The following CELF2 variants were observed in gnomAD, a reference collection of about 807,000 sequenced individuals.
CELF2 encodes the protein CUG triplet repeat RNA-binding protein 2.
In CELF2, 8 loss-of-function variants were observed where a neutral mutation model predicts 62.6. The observed-to-expected ratio is 0.13, with a 90% CI of 0.07 to 0.23. The LOEUF (loss-of-function observed/expected upper bound fraction) is 0.23. CELF2 is among the 10% of genes least tolerant of loss of function. CELF2 has a pLI of 1.00. For missense variants in CELF2, 333 were observed against 671.0 expected (o/e 0.50, Z 5.56); for synonymous variants, 258 against 250.0 (o/e 1.03, Z -0.30).
rs544187452 is a variant in CELF2, at chr10:10,963,482, G to A, written c.89+43483G>A. 7.6e-4 allele frequency among the ~76,000 whole-genome samples: 116 copies of A among 152,266 alleles called. 1 individual carries two copies. The highest frequency in any genetic ancestry group is 3.9e-3 in the South Asian group (19 of 4,820). On this transcript the variant is annotated intron_variant, in intron 2 of 13. Transcript: ENST00000636488. ...TCACCACTGACGGTTAGAGCTTTCC[G>A]TGAAATTTGTCAGAAGTGCATGTAC...
At chr10:10,870,660 C>T (rs879795703) in intron 1 of CELF2, among the ~76,000 whole-genome samples, 18 of 152,192 alleles carry the variant, frequency 1.2e-4, no homozygotes, top group Non-Finnish European at 1.9e-4. Context: ...AGTAAATTCT[C>T]TGGTTACACA....
In CELF2 at chr10:11,314,416, C is replaced by A. The variant is rs1383134918; in HGVS notation, c.1096+158C>A. On this transcript the variant is annotated intron_variant, in intron 10 of 12. Coordinates refer to ENST00000633077, the MANE Select transcript of CELF2 (RefSeq NM_001326342.2). This position sits in a 1 kb window ranked among gnomAD's most constrained non-coding sequence, Gnocchi z 5.3. ...ACATGCTTTGATAGGCAAAAGCTGT[C>A]TACACTCGTTTTGCCTCAGAAAATC... is the stretch of plus-strand genomic sequence containing the variant. 2.2e-6 allele frequency: 2 copies of A among 916,044 alleles called. No individual in the cohort carries two copies. Among genetic ancestry groups the A allele is most frequent in the African/African-American group, 1.6e-5 (1 of 61,276 alleles). The allele number at this position is 916,044 out of a possible 1,614,324, so 56.7% of individuals were successfully genotyped here. A position where few individuals can be genotyped will look rare whatever the true frequency, so the allele number is the denominator to read the frequency against.
chr10:11,200,935 G>A (rs142857370), intron 2 of CELF2, among the ~76,000 whole-genome samples: 1 of 152,298 alleles, frequency 6.6e-6, no homozygotes, highest in Non-Finnish European at 1.5e-5. Context: ...TATTCTTGTC[G>A]GGAAGTATAT....
At chr10:10,463,520 T>C in the CELF2 span, among the ~76,000 whole-genome samples, 210 of 152,334 alleles carry the variant, frequency 1.4e-3, 1 homozygote, top group Middle Eastern at 0.02. Context: ...ATGTGAAAAA[T>C]GCAACTCTGG....
chr10:10,964,162 C>A (rs1188726473), intron 2 of CELF2, among the ~76,000 whole-genome samples: 1 of 152,182 alleles, frequency 6.6e-6, no homozygotes, highest in Non-Finnish European at 1.5e-5. Flanking sequence ...TGTAGTTAAA[C>A]TCTCCTTTGA....
the CELF2 span, among the ~76,000 whole-genome samples, chr10:10,705,234 C>A: frequency 6.6e-6 from 1 of 152,232 alleles, no homozygotes; most frequent in Admixed American, 6.5e-5. Context: ...TCCTACCATA[C>A]TTTTCTTCTA....
chr10:10,853,973 C>T (rs2059555962), intron 1 of CELF2, among the ~76,000 whole-genome samples: 1 of 152,102 alleles, frequency 6.6e-6, no homozygotes, highest in Non-Finnish European at 1.5e-5. Context: ...CTTTTCTATC[C>T]CCATATACCT....
chr10:11,005,536 C>T lies in CELF2; in HGVS notation c.53+96C>T, dbSNP rs1480345634. The T allele has an allele frequency of 3.2e-6, 5 of 1,566,660 alleles. No homozygotes were observed. The highest frequency in any genetic ancestry group is 1.1e-5 in the South Asian group (1 of 89,624). On this transcript the variant is annotated intron_variant, in intron 1 of 12. Transcript: ENST00000416382. The surrounding 1 kb of genome is among the most constrained non-coding windows in gnomAD (Gnocchi z 4.3). ...TGCTCTGAATCAAGTAGCTTCCTTACCTTAGAAGAGAAGGGGGGAAAAAGA... is the reference window on the plus strand; with the variant it reads ...TGCTCTGAATCAAGTAGCTTCCTTATCTTAGAAGAGAAGGGGGGAAAAAGA...
intron 1 of CELF2, among the ~76,000 whole-genome samples, chr10:11,151,559 A>G (rs1237405632): frequency 2.0e-5 from 3 of 152,188 alleles, no homozygotes; most frequent in African/African-American, 7.2e-5. Context: ...GAGATGTATC[A>G]GTACCGTATA....
chr10:11,283,833 G>A (rs1484659118), intron 8 of CELF2, among the ~76,000 whole-genome samples: 1 of 142,246 alleles, frequency 7.0e-6, no homozygotes, highest in African/African-American at 2.6e-5. Context: ...GGTGGATGAT[G>A]GATGGAGTGG....
the CELF2 span, among the ~76,000 whole-genome samples, chr10:10,624,948 C>T: frequency 5.9e-5 from 9 of 152,318 alleles, no homozygotes; most frequent in Middle Eastern, 3.4e-3. Flanking sequence ...AGATGTCACA[C>T]GAAGCTGCGC....
At chr10:11,274,246 A>G (rs762839578) in intron 7 of CELF2, among the ~76,000 whole-genome samples, 18 of 152,016 alleles carry the variant, frequency 1.2e-4, no homozygotes, top group Non-Finnish European at 2.5e-4. Context: ...TCAGCCCAAC[A>G]CTCAGTCTTT....
the CELF2 span, among the ~76,000 whole-genome samples, chr10:10,574,306 A>T: frequency 1.3e-5 from 2 of 152,224 alleles, no homozygotes; most frequent in Admixed American, 1.3e-4. Context: ...CCAACTGATG[A>T]CAAAGTAGAA....
chr10:10,636,014 T>C, the CELF2 span, among the ~76,000 whole-genome samples: 1 of 152,310 alleles, frequency 6.6e-6, no homozygotes, highest in African/African-American at 2.4e-5. Context: ...ATAAATATCA[T>C]GAAGAAAAGA....
At chr10:10,498,840 A>T in the CELF2 span, among the ~76,000 whole-genome samples, 1 of 152,214 alleles carries the variant, frequency 6.6e-6, no homozygotes, top group South Asian at 2.1e-4. Flanking sequence ...TGGTCTCATT[A>T]AGATCTTTAC....
chr10:10,620,951 C>G, the CELF2 span, among the ~76,000 whole-genome samples: 1 of 116,646 alleles, frequency 8.6e-6, no homozygotes, highest in African/African-American at 3.3e-5. Context: ...AGGCGGAGCG[C>G]GGTGGCTCAC....
chr10:10,736,021 A>G, the CELF2 span, among the ~76,000 whole-genome samples: 1 of 152,200 alleles, frequency 6.6e-6, no homozygotes, highest in Non-Finnish European at 1.5e-5. Flanking sequence ...CCAAACCTCA[A>G]TGGATTTAAT....
At chr10:10,700,757 AG>A in the CELF2 span, among the ~76,000 whole-genome samples, 1 of 152,244 alleles carries the variant, frequency 6.6e-6, no homozygotes, top group African/African-American at 2.4e-5. Context: ...AAAGTATAAA[AG>A]CAACTTCCTT....
At chr10:11,203,689 C>A (rs568910540) in intron 2 of CELF2, among the ~76,000 whole-genome samples, 3 of 152,188 alleles carry the variant, frequency 2.0e-5, no homozygotes, top group Admixed American at 1.3e-4. Flanking sequence ...TAAAGTTGAT[C>A]GCTGTCAAAT....
Sources: allele counts gnomAD v4.1 joint callset (sites outside exome capture counted in the v4.1 genomes callset), GRCh38; gene constraint gnomAD v4.1.1; non-coding constraint Gnocchi (gnomAD v3.1); transcripts MANE v1.5; gene names NCBI Gene and HGNC (gene_info 2026-07-23, HGNC 2026-07-21).